The following TP53I3 variants were observed in gnomAD, a reference collection of about 807,000 sequenced individuals.
TP53I3 encodes quinone oxidoreductase PIG3.
Under a neutral mutation model 27.7 loss-of-function variants are expected in TP53I3, and 32 were observed. The ratio of observed to expected loss-of-function variants is 1.16; its 90% CI spans 0.87 to 1.55. The LOEUF (loss-of-function observed/expected upper bound fraction) is 1.55, where lower values mean the gene tolerates loss of function less well. Among genes scored for constraint, TP53I3 ranks in the 40% most tolerant of loss-of-function variants. TP53I3 has a pLI of 0.00. For synonymous variants in TP53I3, 138 were observed against 167.8 expected (o/e 0.82, Z 1.37); for missense variants, 372 against 412.3 (o/e 0.90, Z 0.85).
In TP53I3 at chr2:24,077,814, C is replaced by T; in HGVS notation, c.817-53G>A. 1 of 1,554,324 alleles carries T rather than the reference C, an allele frequency of 6.4e-7. No homozygotes were observed. The highest frequency in any genetic ancestry group is 8.7e-7 in the Non-Finnish European group (1 of 1,146,404). ...CCTGGGGAGAGAGCCTCACCCTGCC[C>T]TCCTCATCCTCCTCAGCCTTCTTGC... On this transcript the variant is annotated intron_variant, in intron 4 of 4. Transcript: ENST00000238721. This position sits in a 1 kb window ranked among gnomAD's most constrained non-coding sequence, Gnocchi z 5.5.
At position 24,081,039 on chromosome 2, in the gene TP53I3, A is replaced by G; in HGVS notation, c.407-8T>C. On this transcript the variant is annotated splice_polypyrimidine_tract_variant and splice_region_variant and intron_variant, in intron 2 of 4. Coordinates refer to ENST00000238721, the MANE Select transcript of TP53I3 (RefSeq NM_004881.5). ...CTCCAGCCTGAACATTTCCTGTGAC[A>G]GAAAGTACAGGGTTCTCTTTACTTT... The G allele has an allele frequency of 1.9e-6, 3 of 1,610,856 alleles. No individual in the cohort carries two copies. The highest frequency in any genetic ancestry group is 2.5e-6 in the Non-Finnish European group (3 of 1,177,488).
In TP53I3 at chr2:24,080,705, T is replaced by G; in HGVS notation, c.619+114A>C. ...TACTAGAATTTGGCCAGGGCAGCTG[T>G]TGTGCACTTAGCAGAGGTAAGACTG... On this transcript the variant is annotated intron_variant, in intron 3 of 4. Coordinates refer to ENST00000238721, the MANE Select transcript of TP53I3 (RefSeq NM_004881.5). This position sits in a 1 kb window ranked among gnomAD's most constrained non-coding sequence, Gnocchi z 4.7. 1 of 1,276,258 alleles carries G rather than the reference T, an allele frequency of 7.8e-7. No homozygotes were observed. Among genetic ancestry groups the G allele is most frequent in the Non-Finnish European group, 1.1e-6 (1 of 893,224 alleles). The allele number at this position is 1,276,258 out of a possible 1,614,324, so 79.1% of individuals were successfully genotyped here. A position where few individuals can be genotyped will look rare whatever the true frequency, so the allele number is the denominator to read the frequency against.
intron 2 of TP53I3, among the ~76,000 whole-genome samples, chr2:24,081,836 C>G (rs770586392): frequency 2.0e-5 from 3 of 151,846 alleles, no homozygotes; most frequent in Non-Finnish European, 4.4e-5. Context: ...GCTGGGACTA[C>G]AGGTGCCCAC....
chr2:24,080,155 G>A lies in TP53I3; in HGVS notation c.620-515C>T, dbSNP rs1006570110. Reference sequence around the variant, plus strand: ...GTGGATCACCTGAGGTCAGGAGTTCGAGACCAGCCTGGCCAACATAGTGAA... The same window carrying A: ...GTGGATCACCTGAGGTCAGGAGTTCAAGACCAGCCTGGCCAACATAGTGAA... On this transcript the variant is annotated intron_variant, in intron 3 of 4. Coordinates refer to ENST00000238721, the MANE Select transcript of TP53I3 (RefSeq NM_004881.5). This position sits in a 1 kb window ranked among gnomAD's most constrained non-coding sequence, Gnocchi z 4.7. Among the ~76,000 whole-genome samples, 1 of 152,058 alleles carries A rather than the reference G, an allele frequency of 6.6e-6. No individual in the cohort carries two copies. The highest frequency in any genetic ancestry group is 2.4e-5 in the African/African-American group (1 of 41,398).
Position 24,079,517 on chromosome 2 carries a change from C to G in TP53I3, c.743G>C (p.Gly248Ala). The change falls in exon 4 of 5, where the codon GGG becomes GCG. Residue 248 changes from glycine to alanine, a missense_variant. Gly to Ala is a moderately conservative substitution (Grantham distance 60, BLOSUM62 0). Coordinates refer to ENST00000238721, the MANE Select transcript of TP53I3 (RefSeq NM_004881.5). The part of the protein sequence containing the change: ...YGLMGGGDIN[G>A]PLFSKLLFKR... ...AAAAAGTAGCTTTGAAAACAGGGGC[C>G]CATTGATGTCACCTCCTCCCATCAG... The G allele has an allele frequency of 6.2e-7, 1 of 1,614,134 alleles. No individual in the cohort carries two copies. Among genetic ancestry groups the G allele is most frequent in the Non-Finnish European group, 8.5e-7 (1 of 1,180,028 alleles).
chr2:24,077,815 T>G lies in TP53I3; in HGVS notation c.817-54A>C. 6.4e-7 allele frequency: 1 copy of G among 1,553,468 alleles called. No individual in the cohort carries two copies. The highest frequency in any genetic ancestry group is 8.7e-7 in the Non-Finnish European group (1 of 1,145,856). ...CTGGGGAGAGAGCCTCACCCTGCCCTCCTCATCCTCCTCAGCCTTCTTGCT... is the reference window on the plus strand; with the variant it reads ...CTGGGGAGAGAGCCTCACCCTGCCCGCCTCATCCTCCTCAGCCTTCTTGCT... On this transcript the variant is annotated intron_variant, in intron 4 of 4. Coordinates refer to ENST00000238721, the MANE Select transcript of TP53I3 (RefSeq NM_004881.5). This position sits in a 1 kb window ranked among gnomAD's most constrained non-coding sequence, Gnocchi z 5.5.
rs1473569466 is a variant in TP53I3, at chr2:24,084,455, G to A, written c.-129C>T. The A allele has an allele frequency of 1.9e-5, 23 of 1,215,150 alleles. No homozygotes were observed. The highest frequency in any genetic ancestry group is 3.4e-5 in the Admixed American group (1 of 29,028). 75.3% of individuals were successfully genotyped at this position (1,215,150 alleles called of 1,614,324 possible). On this transcript the variant is annotated 5_prime_UTR_variant, in exon 1 of 5. Coordinates refer to ENST00000238721, the MANE Select transcript of TP53I3 (RefSeq NM_004881.5). The surrounding 1 kb of genome is among the most constrained non-coding windows in gnomAD (Gnocchi z 8.4). ...TCCTCGCGGAGCAGCCCAGCCTCAG[G>A]CTGGCACCGCAGCGCCCCCTGCCGG...
chr2:24,079,652 A>C lies in TP53I3; in HGVS notation c.620-12T>G. The C allele has an allele frequency of 6.2e-7, 1 of 1,612,296 alleles. No individual in the cohort carries two copies. The highest frequency in any genetic ancestry group is 8.5e-7 in the Non-Finnish European group (1 of 1,178,724). On this transcript the variant is annotated splice_polypyrimidine_tract_variant and intron_variant, in intron 3 of 4. Coordinates refer to ENST00000238721, the MANE Select transcript of TP53I3 (RefSeq NM_004881.5). The stretch of plus-strand genomic sequence containing the variant: ...ATTAACTCCAGCACCTTCCATAGGA[A>C]ACAGATTTGTGATGCTAGTCAGCTT...
At chr2:24,078,542 T>C (rs1227312395) in intron 4 of TP53I3, among the ~76,000 whole-genome samples, 1 of 151,356 alleles carries the variant, frequency 6.6e-6, no homozygotes, top group Non-Finnish European at 1.5e-5. Flanking sequence ...GGTATCAATT[T>C]GGTTTCTAGA....
chr2:24,077,448 T>C lies in TP53I3; in HGVS notation c.*131A>G, dbSNP rs1664798569. 8.8e-7 allele frequency: 1 copy of C among 1,136,560 alleles called. No individual in the cohort carries two copies. The highest frequency in any genetic ancestry group is 1.2e-6 in the Non-Finnish European group (1 of 843,682). 70.4% of individuals were successfully genotyped at this position (1,136,560 alleles called of 1,614,324 possible). On this transcript the variant is annotated 3_prime_UTR_variant, in exon 5 of 5. Transcript: ENST00000238721. This position sits in a 1 kb window ranked among gnomAD's most constrained non-coding sequence, Gnocchi z 5.5. The stretch of plus-strand genomic sequence containing the variant: ...CGTGCCACCCTTCCAGTTCACTCTT[T>C]ATTTCCTCATATCAGCTTTAAACGG...
chr2:24,077,683 G>A lies in TP53I3; in HGVS notation c.895C>T (p.Pro299Ser). The change falls in exon 5 of 5, where the codon CCG becomes TCG. Residue 299 changes from proline to serine, a missense_variant. Coordinates refer to ENST00000238721, the MANE Select transcript of TP53I3 (RefSeq NM_004881.5). This position sits in a 1 kb window ranked among gnomAD's most constrained non-coding sequence, Gnocchi z 5.5. Reference protein sequence around the residue: ...FSTEGPQRLLPVLDRIYPVTE... With the variant: ...FSTEGPQRLLSVLDRIYPVTE... ...ACTGGGTAGATTCTGTCCAGAACCG[G>A]CAGCAGACGTTGGGGGCCCTCCGTG... The A allele has an allele frequency of 6.2e-7, 1 of 1,614,098 alleles. No individual in the cohort carries two copies. The highest frequency in any genetic ancestry group is 8.5e-7 in the Non-Finnish European group (1 of 1,179,992).
At chr2:24,078,262 A>G (rs755754781) in intron 4 of TP53I3, among the ~76,000 whole-genome samples, 1 of 151,954 alleles carries the variant, frequency 6.6e-6, no homozygotes, top group Non-Finnish European at 1.5e-5. Context: ...ATTTCTTCTC[A>G]AATTTATTGT....
At position 24,084,300 on chromosome 2, in the gene TP53I3, C is replaced by T. The variant is rs757394139; in HGVS notation, c.27G>A (p.Pro9=). ...TCACGTAGAGGTTTTCCGGTCCTCC[C>T]GGCTTGTCAAAGTGCACGGCTAACA... is the stretch of plus-strand genomic sequence containing the variant. MLAVHFDK[P]GGPENLYVKE... The change falls in exon 1 of 5, where the codon CCG becomes CCA. Residue 9 remains proline (P), a synonymous_variant. Transcript: ENST00000238721. The surrounding 1 kb of genome is among the most constrained non-coding windows in gnomAD (Gnocchi z 8.4). 25 of 1,613,952 alleles carry T rather than the reference C, an allele frequency of 1.5e-5. No homozygotes were observed. The highest frequency in any genetic ancestry group is 3.3e-4 in the Middle Eastern group (2 of 6,080).
chr2:24,080,645 T>C lies in TP53I3; in HGVS notation c.619+174A>G. 1 of 711,956 alleles carries C rather than the reference T, an allele frequency of 1.4e-6. No homozygotes were observed. 44.1% of individuals were successfully genotyped at this position (711,956 alleles called of 1,614,324 possible). ...ACATGGAAACCATCTTAGATTTAAATATGACTGCCTGTCTCCAGTGGTCAA... is the reference window on the plus strand; with the variant it reads ...ACATGGAAACCATCTTAGATTTAAACATGACTGCCTGTCTCCAGTGGTCAA... On this transcript the variant is annotated intron_variant, in intron 3 of 4. Transcript: ENST00000238721. The surrounding 1 kb of genome is among the most constrained non-coding windows in gnomAD (Gnocchi z 4.7).
chr2:24,079,825 T>A (rs1433653322), intron 3 of TP53I3, among the ~76,000 whole-genome samples, 185 bp from the exon 4 acceptor site: 1 of 152,184 alleles, frequency 6.6e-6, no homozygotes, highest in Non-Finnish European at 1.5e-5. Context: ...ATAGCATGTA[T>A]GAAGTTCACC....
At chr2:24,082,033 T>C (rs1388657296) in intron 2 of TP53I3, among the ~76,000 whole-genome samples, 7 of 148,562 alleles carry the variant, frequency 4.7e-5, no homozygotes, top group Non-Finnish European at 9.0e-5. Flanking sequence ...CTCACTCTAC[T>C]GCCCAGGCTG....
chr2:24,077,790 C>T lies in TP53I3; in HGVS notation c.817-29G>A. 1 of 1,596,380 alleles carries T rather than the reference C, an allele frequency of 6.3e-7. No homozygotes were observed. The highest frequency in any genetic ancestry group is 1.3e-5 in the African/African-American group (1 of 74,770). ...AGACAAGGGAAAGGAGATCATCAGC[C>T]TGGGGAGAGAGCCTCACCCTGCCCT... is the stretch of plus-strand genomic sequence containing the variant. On this transcript the variant is annotated intron_variant, in intron 4 of 4. Coordinates refer to ENST00000238721, the MANE Select transcript of TP53I3 (RefSeq NM_004881.5). This position sits in a 1 kb window ranked among gnomAD's most constrained non-coding sequence, Gnocchi z 5.5.
chr2:24,079,297 G>T, intron 4 of TP53I3, 147 bp downstream of exon 4: 3 of 755,020 alleles, frequency 4.0e-6, no homozygotes, highest in South Asian at 2.0e-5. Flanking sequence ...CTCTGAAATC[G>T]GGTTCCCTCT....
At chr2:24,078,836 G>A (rs1664872333) in intron 4 of TP53I3, 1 of 152,548 alleles carries the variant, frequency 6.6e-6, no homozygotes, top group Admixed American at 6.5e-5. Context: ...CCCAAAGGTG[G>A]TACCTGCTAG....
Sources: gnomAD v4.1 joint callset for allele counts (sites outside exome capture counted in the v4.1 genomes callset) on GRCh38, gnomAD v4.1.1 for gene constraint, Gnocchi (gnomAD v3.1) non-coding constraint, MANE v1.5 for transcripts, NCBI Gene and HGNC (gene_info 2026-07-23, HGNC 2026-07-21) for gene names.